Variants in TBX21 observed in about 807,000 individuals in gnomAD.
TBX21 encodes T-box transcription factor 21.
TBX21 carries 11 observed loss-of-function variants against 52.2 expected under a neutral mutation model. The ratio of observed to expected loss-of-function variants is 0.21; its 90% CI spans 0.13 to 0.35. The LOEUF (loss-of-function observed/expected upper bound fraction) is 0.35, where lower values mean the gene tolerates loss of function less well. Ranked by LOEUF, TBX21 falls within the 10% of genes least tolerant of loss-of-function variation. The pLI is 1.00. For synonymous variants in TBX21, 300 were observed against 316.1 expected, an observed-to-expected ratio of 0.95 and a Z score of 0.54; for missense variants, 625 against 755.1, an observed-to-expected ratio of 0.83 and a Z score of 2.02.
In TBX21 at chr17:47,743,576, A is replaced by C. The variant is rs2032292385; in HGVS notation, c.768+384A>C. On this transcript the variant is annotated intron_variant, in intron 3 of 5. Coordinates refer to ENST00000177694, the MANE Select transcript of TBX21 (RefSeq NM_013351.2). ...GATGCCGAGTTTCTCTAGGTTGAAC[A>C]ATCCTGTTAAAAGTGCCCTTGCTGG... Among the ~76,000 whole-genome samples the C allele has an allele frequency of 2.0e-5, 3 of 152,242 alleles. No individual in the cohort carries two copies. The South Asian group carries it at 6.2e-4, about 32-fold the overall frequency.
chr17:47,736,192 A>G (rs2032205278), intron 1 of TBX21, among the ~76,000 whole-genome samples: 2 of 152,150 alleles, frequency 1.3e-5, no homozygotes, highest in African/African-American at 4.8e-5. Flanking sequence ...TTTTATTATG[A>G]AAAATTCCAC....
At position 47,744,370 on chromosome 17, in the gene TBX21, C is replaced by A. The variant is rs542189160; in HGVS notation, c.927+17C>A. 1.4e-5 allele frequency: 22 copies of A among 1,614,170 alleles called. No homozygotes were observed. Among genetic ancestry groups the A allele is most frequent in the Non-Finnish European group, 1.4e-5 (17 of 1,180,000 alleles). ...AATGCCGAGGTGAGGGCTGCCTGAG[C>A]CCCGGTGGGGAGGAGGGCAGAGTGG... On this transcript the variant is annotated intron_variant, in intron 4 of 5. Coordinates refer to ENST00000177694, the MANE Select transcript of TBX21 (RefSeq NM_013351.2).
chr17:47,733,688 G>A lies in TBX21; in HGVS notation c.234G>A (p.Pro78=). The change falls in exon 1 of 6, where the codon CCG becomes CCA. Residue 78 remains proline, a synonymous_variant. Coordinates refer to ENST00000177694, the MANE Select transcript of TBX21 (RefSeq NM_013351.2). This position sits in a 1 kb window ranked among gnomAD's most constrained non-coding sequence, Gnocchi z 6.6. ...GCTTCCTTGGAGCCTACGCCTACCC[G>A]CCGCGACCCCAGGCGGCCGGCTTCC... ...PSRFLGAYAY[P]PRPQAAGFPG... 3 of 1,429,934 alleles carry A rather than the reference G, an allele frequency of 2.1e-6. No individual in the cohort carries two copies. The South Asian group carries it at 4.4e-5, about 21-fold the overall frequency. 88.6% of individuals were successfully genotyped at this position (1,429,934 alleles called of 1,614,324 possible).
At position 47,742,072 on chromosome 17, in the gene TBX21, CT is replaced by C. The variant is rs34123804; in HGVS notation, c.492-524del. 0.079 allele frequency among the ~76,000 whole-genome samples: 11,346 copies of C among 143,328 alleles called. 528 individuals are homozygous for C. Among genetic ancestry groups the C allele is most frequent in the South Asian group, 0.18 (790 of 4,510 alleles). The allele number at this position is 143,328 out of a possible 152,430, so 94.0% of individuals were successfully genotyped here. A position where few individuals can be genotyped will look rare whatever the true frequency, so the allele number is the denominator to read the frequency against. On this transcript the variant is annotated intron_variant, in intron 1 of 5. Transcript: ENST00000177694. This position sits in a 1 kb window ranked among gnomAD's most constrained non-coding sequence, Gnocchi z 4.4. ...AGTGATGATTTTTTAGTTTTTACTC[CT>C]TTTTTTTTTTTTTGAGATGGAGACT...
chr17:47,734,600 T>G (rs941397485), intron 1 of TBX21, among the ~76,000 whole-genome samples: 2 of 130,946 alleles, frequency 1.5e-5, no homozygotes, highest in African/African-American at 3.0e-5. Flanking sequence ...TGTGTGTGTG[T>G]GTGTGTGTGT....
intron 1 of TBX21, among the ~76,000 whole-genome samples, chr17:47,734,602 T>TGTGG (rs1555625766): frequency 4.4e-4 from 53 of 120,330 alleles, no homozygotes; most frequent in African/African-American, 1.7e-3. Context: ...TGTGTGTGTG[T>TGTGG]GTGTGTGTAT....
At chr17:47,734,789 C>T (rs980801495) in intron 1 of TBX21, among the ~76,000 whole-genome samples, 1 of 151,900 alleles carries the variant, frequency 6.6e-6, no homozygotes, top group African/African-American at 2.4e-5. Flanking sequence ...CTTCCCCACA[C>T]TCCTGTCCAG....
At chr17:47,736,757 A>G (rs1380656580) in intron 1 of TBX21, among the ~76,000 whole-genome samples, 1 of 152,066 alleles carries the variant, frequency 6.6e-6, no homozygotes, top group Non-Finnish European at 1.5e-5. Context: ...GGCTTATAGC[A>G]CAGCTTCCTT....
At chr17:47,743,006 C>G in intron 2 of TBX21, 65 bp from the exon 3 acceptor site, 1 of 1,595,186 alleles carries the variant, frequency 6.3e-7, no homozygotes, top group Non-Finnish European at 8.5e-7. Flanking sequence ...TCGGGACAGG[C>G]AAAGCCCTAC....
chr17:47,742,567 G>A lies in TBX21; in HGVS notation c.492-43G>A. Reference sequence around the variant, plus strand: ...TGTTGCAGGGGGGACTGGCTGTCAAGCTGGAGCTGATGGGTGCTGGGGGCT... The same window carrying A: ...TGTTGCAGGGGGGACTGGCTGTCAAACTGGAGCTGATGGGTGCTGGGGGCT... On this transcript the variant is annotated intron_variant, in intron 1 of 5. Coordinates refer to ENST00000177694, the MANE Select transcript of TBX21 (RefSeq NM_013351.2). The surrounding 1 kb of genome is among the most constrained non-coding windows in gnomAD (Gnocchi z 4.4). 1 of 1,548,734 alleles carries A rather than the reference G, an allele frequency of 6.5e-7. No individual in the cohort carries two copies. The highest frequency in any genetic ancestry group is 8.7e-7 in the Non-Finnish European group (1 of 1,143,294).
intron 1 of TBX21, among the ~76,000 whole-genome samples, chr17:47,735,333 C>A (rs2032196572): frequency 1.3e-5 from 2 of 152,178 alleles, no homozygotes; most frequent in African/African-American, 4.8e-5. Flanking sequence ...GGGATGAACC[C>A]AGGAAAGTTG....
At chr17:47,734,393 C>T (rs985954177) in intron 1 of TBX21, among the ~76,000 whole-genome samples, 3 of 152,074 alleles carry the variant, frequency 2.0e-5, no homozygotes, top group African/African-American at 7.2e-5. Context: ...CCACCTCCCC[C>T]GGCTCCTTTG....
intron 1 of TBX21, among the ~76,000 whole-genome samples, chr17:47,736,402 C>A (rs139054615): frequency 2.0e-5 from 3 of 152,244 alleles, no homozygotes; most frequent in African/African-American, 7.2e-5. Flanking sequence ...AAAATGAATG[C>A]ATTACCATTA....
intron 5 of TBX21, 26 bp downstream of exon 5, chr17:47,744,569 C>A: frequency 1.2e-6 from 2 of 1,613,922 alleles, no homozygotes; most frequent in South Asian, 2.2e-5. Context: ...TTCAACTCAG[C>A]TTTGGTCCCT....
At chr17:47,741,161 G>C (rs1034447398) in intron 1 of TBX21, among the ~76,000 whole-genome samples, 7 of 152,108 alleles carry the variant, frequency 4.6e-5, no homozygotes, top group African/African-American at 1.7e-4. Context: ...TTGTAGTGAC[G>C]GTACTACTGG....
At position 47,738,165 on chromosome 17, in the gene TBX21, T is replaced by A. The variant is rs2032228581; in HGVS notation, c.491+4220T>A. On this transcript the variant is annotated intron_variant, in intron 1 of 5. Transcript: ENST00000177694. ...AGTGAAAACAACTTTAATTAAAAAT[T>A]TTTTTTAAATGAGACATGGTCTTGC... is the stretch of plus-strand genomic sequence containing the variant. 2.0e-5 allele frequency among the ~76,000 whole-genome samples: 3 copies of A among 152,118 alleles called. No individual in the cohort carries two copies. The South Asian group carries it at 6.2e-4, about 32-fold the overall frequency.
intron 1 of TBX21, among the ~76,000 whole-genome samples, chr17:47,741,884 T>C (rs1014055776): frequency 6.6e-6 from 1 of 152,128 alleles, no homozygotes; most frequent in Admixed American, 6.5e-5. Flanking sequence ...GTGGTGTAAA[T>C]ACTCCTGCTA....
At chr17:47,743,272 C>A in intron 3 of TBX21, 80 bp downstream of exon 3, 1 of 1,553,686 alleles carries the variant, frequency 6.4e-7, no homozygotes, top group Non-Finnish European at 8.7e-7. Flanking sequence ...AAGGGTCCTG[C>A]GGGGCCAGTT....
In TBX21 at chr17:47,745,506, G is replaced by A. The variant is rs1258776415; in HGVS notation, c.*140G>A. 1 of 1,249,220 alleles carries A rather than the reference G, an allele frequency of 8.0e-7. No individual in the cohort carries two copies. Among genetic ancestry groups the A allele is most frequent in the Non-Finnish European group, 1.1e-6 (1 of 924,784 alleles). 77.4% of individuals were successfully genotyped at this position (1,249,220 alleles called of 1,614,324 possible). A position where few individuals can be genotyped will look rare whatever the true frequency, so the allele number is the denominator to read the frequency against. On this transcript the variant is annotated 3_prime_UTR_variant, in exon 6 of 6. Coordinates refer to ENST00000177694, the MANE Select transcript of TBX21 (RefSeq NM_013351.2). Reference sequence around the variant, plus strand: ...TTTAGTAGTTGGTTGGGGAAGTGGGGCTCAAGAAGGATTTTGGGGTTCACC... The same window carrying A: ...TTTAGTAGTTGGTTGGGGAAGTGGGACTCAAGAAGGATTTTGGGGTTCACC...
Sources: allele counts gnomAD v4.1 joint callset (sites outside exome capture counted in the v4.1 genomes callset), GRCh38; gene constraint gnomAD v4.1.1; non-coding constraint Gnocchi (gnomAD v3.1); transcripts MANE v1.5; gene names NCBI Gene and HGNC (gene_info 2026-07-23, HGNC 2026-07-21).